Variants in PHF14 observed in about 807,000 individuals in gnomAD.
PHF14 encodes PHD finger protein 14.
Under a neutral mutation model 117.9 loss-of-function variants are expected in PHF14, and 55 were observed. The observed-to-expected ratio is 0.47, with a 90% CI of 0.38 to 0.58. PHF14 has a LOEUF of 0.58. Among genes scored for constraint, PHF14 ranks in the 20% least tolerant of loss-of-function variants. PHF14 has a pLI of 0.00. For synonymous variants in PHF14, 409 were observed against 368.6 expected, an observed-to-expected ratio of 1.11 and a Z score of -1.26; for missense variants, 978 against 1,122.2, an observed-to-expected ratio of 0.87 and a Z score of 1.84.
At chr7:11,014,685 T>G (rs1783465904) in intron 5 of PHF14, among the ~76,000 whole-genome samples, 1 of 152,194 alleles carries the variant, frequency 6.6e-6, no homozygotes, top group African/African-American at 2.4e-5. Context: ...TATAGCTCCC[T>G]CTACCATTGA....
At chr7:11,073,608 G>A (rs1785708433) in intron 16 of PHF14, among the ~76,000 whole-genome samples, 1 of 152,166 alleles carries the variant, frequency 6.6e-6, no homozygotes, top group South Asian at 2.1e-4. Context: ...CCATTCTAAG[G>A]TCTGGAAGGC....
At chr7:11,006,434 C>G in intron 4 of PHF14, 3 of 529,612 alleles carry the variant, frequency 5.7e-6, no homozygotes, top group South Asian at 4.1e-5. Flanking sequence ...AGATTCAAAG[C>G]ATTGTAATCA....
intron 4 of PHF14, among the ~76,000 whole-genome samples, chr7:11,008,651 A>G (rs1183971275): frequency 5.3e-5 from 8 of 152,284 alleles, no homozygotes; most frequent in African/African-American, 1.9e-4. Context: ...GGTGCCAAAA[A>G]GGTTGGGGAC....
intron 16 of PHF14, chr7:11,106,206 C>CT: frequency 1.0e-6 from 1 of 979,836 alleles, no homozygotes; most frequent in African/African-American, 1.7e-5. Context: ...TGATCCCACT[C>CT]TTTAAGTGAC....
At chr7:10,991,721 G>T (rs1681291) in intron 4 of PHF14, among the ~76,000 whole-genome samples, 3 of 145,382 alleles carry the variant, frequency 2.1e-5, no homozygotes, top group African/African-American at 5.1e-5. Context: ...TTATGGTACT[G>T]TTTCTTGTTT....
intron 13 of PHF14, 100 bp from the exon 14 acceptor site, chr7:11,051,512 A>T: frequency 1.1e-6 from 1 of 908,484 alleles, no homozygotes. Context: ...ATATTTTTAT[A>T]TATTATTCTT....
chr7:11,009,394 G>A (rs1783256222), intron 4 of PHF14, among the ~76,000 whole-genome samples: 1 of 152,144 alleles, frequency 6.6e-6, no homozygotes, highest in Admixed American at 6.5e-5. Context: ...AATATGAGTT[G>A]TGTACATTGC....
intron 17 of PHF14, among the ~76,000 whole-genome samples, chr7:11,129,230 C>T (rs973853463): frequency 6.6e-6 from 1 of 151,972 alleles, no homozygotes; most frequent in East Asian, 1.9e-4. Flanking sequence ...GCCTTAGAGG[C>T]CCAAGGCTGT....
At position 11,002,267 on chromosome 7, in the gene PHF14, TGGG is replaced by T. The variant is rs1214855752; in HGVS notation, c.1045+11424_1045+11426del. Among the ~76,000 whole-genome samples, 19 of 151,868 alleles carry T rather than the reference TGGG, an allele frequency of 1.3e-4. No individual in the cohort carries two copies. In the East Asian group the frequency reaches 3.1e-3, roughly 25 times the overall value. On this transcript the variant is annotated intron_variant, in intron 4 of 17. Transcript: ENST00000634607. Reference sequence around the variant, plus strand: ...ACATTGGTTTAGAAGAAAGTAAAAATGGGGGGATAAAAGGAACTCTGCAATGTG... The same window carrying T: ...ACATTGGTTTAGAAGAAAGTAAAAATGGGATAAAAGGAACTCTGCAATGTG...
intron 14 of PHF14, among the ~76,000 whole-genome samples, chr7:11,060,855 T>C (rs1785199435): frequency 6.6e-6 from 1 of 152,182 alleles, no homozygotes; most frequent in Non-Finnish European, 1.5e-5. Flanking sequence ...CTTGGTTATC[T>C]AGGAACAGAT....
chr7:11,079,180 A>G (rs1231778892), intron 16 of PHF14, among the ~76,000 whole-genome samples: 1 of 152,216 alleles, frequency 6.6e-6, no homozygotes, highest in Non-Finnish European at 1.5e-5. Flanking sequence ...CCCTTTCAAA[A>G]GGAGCTTCTT....
chr7:11,058,020 T>C (rs902935249), intron 14 of PHF14, among the ~76,000 whole-genome samples: 1 of 152,244 alleles, frequency 6.6e-6, no homozygotes, highest in African/African-American at 2.4e-5. Context: ...ATGTGGAATT[T>C]CCAGGTAACG....
intron 7 of PHF14, among the ~76,000 whole-genome samples, chr7:11,035,069 A>G: frequency 6.6e-6 from 1 of 152,102 alleles, no homozygotes; most frequent in Non-Finnish European, 1.5e-5. Flanking sequence ...TCTGTGGATT[A>G]CACATTCTTA....
chr7:11,063,212 C>T (rs1162713866), intron 16 of PHF14: 1 of 983,202 alleles, frequency 1.0e-6, no homozygotes, highest in African/African-American at 1.8e-5. Flanking sequence ...TAATAATTGG[C>T]TAATTTTTTT....
intron 16 of PHF14, among the ~76,000 whole-genome samples, chr7:11,093,029 T>A (rs1304974938): frequency 1.3e-5 from 2 of 152,198 alleles, no homozygotes; most frequent in East Asian, 3.9e-4. Flanking sequence ...AGTCAGAAAG[T>A]GTGATACAGT....
At chr7:11,048,292 G>C (rs1784742838) in intron 13 of PHF14, among the ~76,000 whole-genome samples, 1 of 152,180 alleles carries the variant, frequency 6.6e-6, no homozygotes, top group Admixed American at 6.5e-5. Context: ...TTTGATTTCA[G>C]CTGGGCGTGG....
chr7:10,982,829 A>G lies in PHF14; in HGVS notation c.570A>G (p.Pro190=). ...PKKWNLRRNR[P]LLDFVSMEEL... Reference sequence around the variant, plus strand: ...AATGGAACCTTCGACGAAACCGACCACTTCTGGATTTTGTGTCCATGGAAG... The same window carrying G: ...AATGGAACCTTCGACGAAACCGACCGCTTCTGGATTTTGTGTCCATGGAAG... Residue 190 remains proline (P), a synonymous_variant, in exon 3 of 18, where the codon CCA becomes CCG. Transcript: ENST00000634607. The G allele has an allele frequency of 6.2e-7, 1 of 1,613,936 alleles. No homozygotes were observed. Among genetic ancestry groups the G allele is most frequent in the Non-Finnish European group, 8.5e-7 (1 of 1,179,872 alleles).
At chr7:11,071,369 T>C (rs1382736306) in intron 16 of PHF14, 1 of 455,496 alleles carries the variant, frequency 2.2e-6, no homozygotes, top group Non-Finnish European at 4.4e-6. Flanking sequence ...TAGACTATGA[T>C]TATTTTTCTT....
chr7:11,153,297 G>A (rs1788751642), intron 17 of PHF14, among the ~76,000 whole-genome samples: 1 of 152,230 alleles, frequency 6.6e-6, no homozygotes, highest in African/African-American at 2.4e-5. Context: ...GTTGGCTATA[G>A]AGTATAAGAG....
Sources: allele counts gnomAD v4.1 joint callset (sites outside exome capture counted in the v4.1 genomes callset), GRCh38; gene constraint gnomAD v4.1.1; transcripts MANE v1.5; gene names NCBI Gene and HGNC (gene_info 2026-07-23, HGNC 2026-07-21).